VANGL2: variants seen among roughly 807,000 people sequenced by gnomAD.
The protein encoded by VANGL2 is VANGL planar cell polarity protein 2.
A neutral mutation model predicts 50.2 loss-of-function variants in VANGL2; 14 were observed. That is an observed-to-expected ratio of 0.28 (90% CI 0.18 to 0.44). VANGL2 has a LOEUF of 0.44. VANGL2 is among the 20% of genes least tolerant of loss of function. The probability of loss-of-function intolerance (pLI) is 1.00; values close to 1 mark genes in which losing one functional copy is unlikely to be tolerated. For synonymous variants in VANGL2, 295 were observed against 297.2 expected (o/e 0.99, Z 0.08); for missense variants, 533 against 701.5 (o/e 0.76, Z 2.71).
rs368698698 is a variant in VANGL2, at chr1:160,404,900, G to A, written c.-191+4031G>A. ...GGCACACAGGGTATTTGGTAGTCCT[G>A]TACCTTGCAGTATGAAGTGGGGATT... is the stretch of plus-strand genomic sequence containing the variant. On this transcript the variant is annotated intron_variant, in intron 1 of 7. Coordinates refer to ENST00000368061, the MANE Select transcript of VANGL2 (RefSeq NM_020335.3). Among the ~76,000 whole-genome samples, 49 of 152,304 alleles carry A rather than the reference G, an allele frequency of 3.2e-4. No homozygotes were observed. The South Asian group carries it at 9.6e-3, about 30-fold the overall frequency.
chr1:160,424,975 G>A (rs1046766023), intron 7 of VANGL2, 143 bp from the exon 8 acceptor site: 4 of 1,180,936 alleles, frequency 3.4e-6, no homozygotes, highest in Middle Eastern at 2.1e-4. Context: ...GCCCCTTCCT[G>A]CTGTAACATT....
chr1:160,415,732 G>A lies in VANGL2; in HGVS notation c.-106G>A. 1 of 1,300,098 alleles carries A rather than the reference G, an allele frequency of 7.7e-7. No individual in the cohort carries two copies. The allele number at this position is 1,300,098 out of a possible 1,614,324, so 80.5% of individuals were successfully genotyped here. A position where few individuals can be genotyped will look rare whatever the true frequency, so the allele number is the denominator to read the frequency against. On this transcript the variant is annotated 5_prime_UTR_variant, in exon 2 of 8. Transcript: ENST00000368061. ...GGGTGACAGTTGACTTCCTGAAGGT[G>A]CCTCTTGGCCTAAAGAAGCCGGTGC...
intron 1 of VANGL2, among the ~76,000 whole-genome samples, chr1:160,414,855 G>A (rs902120920): frequency 6.6e-6 from 1 of 151,318 alleles, no homozygotes; most frequent in Non-Finnish European, 1.5e-5. Context: ...TTTGGGTGGG[G>A]GTTAGAGAGA....
At chr1:160,405,972 G>A (rs1650645126) in intron 1 of VANGL2, among the ~76,000 whole-genome samples, 1 of 152,180 alleles carries the variant, frequency 6.6e-6, no homozygotes, top group South Asian at 2.1e-4. Context: ...ATGGGAGCAG[G>A]AAGTGGAGGG....
chr1:160,416,043 T>C lies in VANGL2; in HGVS notation c.72-19T>C. On this transcript the variant is annotated intron_variant, in intron 2 of 7. Coordinates refer to ENST00000368061, the MANE Select transcript of VANGL2 (RefSeq NM_020335.3). ...TCCACCACTGGACTTTCTGTGCCTTTTCTGGCTTCCTGCCGCAGGGACCGC... is the reference window on the plus strand; with the variant it reads ...TCCACCACTGGACTTTCTGTGCCTTCTCTGGCTTCCTGCCGCAGGGACCGC... The C allele has an allele frequency of 6.2e-7, 1 of 1,614,176 alleles. No individual in the cohort carries two copies. The highest frequency in any genetic ancestry group is 1.3e-5 in the African/African-American group (1 of 75,046).
In VANGL2 at chr1:160,426,205, C is replaced by G. The variant is rs565584897; in HGVS notation, c.*827C>G. The G allele has an allele frequency of 6.5e-6, 1 of 152,796 alleles. No individual in the cohort carries two copies. Among genetic ancestry groups the G allele is most frequent in the East Asian group, 1.9e-4 (1 of 5,180 alleles). 9.5% of individuals were successfully genotyped at this position (152,796 alleles called of 1,614,324 possible). The stretch of plus-strand genomic sequence containing the variant: ...TTTGGAGAGACCCCCATCACTGACT[C>G]CTGCTCCCTAACCCTACCCTCACTT... On this transcript the variant is annotated 3_prime_UTR_variant, in exon 8 of 8. Transcript: ENST00000368061.
At chr1:160,402,989 TAG>T (rs1650528458) in intron 1 of VANGL2, among the ~76,000 whole-genome samples, 1 of 152,128 alleles carries the variant, frequency 6.6e-6, no homozygotes, top group Non-Finnish European at 1.5e-5. Flanking sequence ...ATTGGAATGT[TAG>T]AGTCTCTAAT....
intron 1 of VANGL2, among the ~76,000 whole-genome samples, chr1:160,413,319 C>T (rs567153230): frequency 1.0e-3 from 149 of 147,422 alleles, no homozygotes; most frequent in African/African-American, 3.5e-3. Flanking sequence ...CTCGTTCTGT[C>T]GCCCAGGCTG....
chr1:160,421,174 A>G lies in VANGL2; in HGVS notation c.1060A>G (p.Lys354Glu). The G allele has an allele frequency of 1.2e-6, 2 of 1,613,510 alleles. No homozygotes were observed. The highest frequency in any genetic ancestry group is 2.2e-5 in the East Asian group (1 of 44,874). ...GGCTGAGCATGAGCGAAGGGTGCGC[A>G]AGAGGAGGGCCAGGTGGGTCCCTGG... ...EEAEHERRVR[K>E]RRARLVVAVE... Residue 354 changes from lysine (K) to glutamate (E), a missense_variant, in exon 6 of 8, where the codon AAG (lysine) becomes GAG (glutamate). Physicochemically the swap from Lys to Glu is moderately conservative, Grantham distance 56. Transcript: ENST00000368061.
chr1:160,402,373 C>T (rs927283523), intron 1 of VANGL2, among the ~76,000 whole-genome samples: 2 of 152,168 alleles, frequency 1.3e-5, no homozygotes, highest in African/African-American at 2.4e-5. Context: ...TTTGCTGCTT[C>T]ATAGCCTTCT....
intron 1 of VANGL2, among the ~76,000 whole-genome samples, chr1:160,410,292 G>A (rs1650829677): frequency 6.6e-6 from 1 of 152,076 alleles, no homozygotes; most frequent in Non-Finnish European, 1.5e-5. Context: ...CCCTGTCCTC[G>A]GTGGAGATGA....
At chr1:160,424,599 C>T (rs184868371) in intron 7 of VANGL2, among the ~76,000 whole-genome samples, 18 of 152,348 alleles carry the variant, frequency 1.2e-4, no homozygotes, top group East Asian at 3.9e-4. Flanking sequence ...ACCCTCTTCA[C>T]CTCCACTAGC....
chr1:160,425,285 C>G lies in VANGL2; in HGVS notation c.1473C>G (p.Thr491=), dbSNP rs772020120. ...AGGACTTCAGCCTGGTGGTCAGCAC[C>G]AAGAAGGTCCCATTCTTCAAACTCT... The part of the protein sequence containing the change: ...KRQDFSLVVS[T]KKVPFFKLSE... The change falls in exon 8 of 8, where the codon ACC becomes ACG. Residue 491 remains threonine (T), a synonymous_variant. Coordinates refer to ENST00000368061, the MANE Select transcript of VANGL2 (RefSeq NM_020335.3). 6.2e-7 allele frequency: 1 copy of G among 1,614,078 alleles called. No homozygotes were observed. The highest frequency in any genetic ancestry group is 2.2e-5 in the East Asian group (1 of 44,860).
chr1:160,405,298 C>T (rs1209710699), intron 1 of VANGL2, among the ~76,000 whole-genome samples: 1 of 152,152 alleles, frequency 6.6e-6, no homozygotes, highest in Non-Finnish European at 1.5e-5. Flanking sequence ...TACTCACATT[C>T]TACCCTACGG....
intron 1 of VANGL2, among the ~76,000 whole-genome samples, chr1:160,403,253 C>T (rs1001785594): frequency 3.3e-5 from 5 of 151,960 alleles, no homozygotes; most frequent in Admixed American, 6.5e-5. Context: ...TGCCCTGGCC[C>T]TCTGGGGTCC....
rs1211948369 is a variant in VANGL2 at position 160,415,866 on chromosome 1, A to C, written c.29A>C (p.Tyr10Ser). The C allele has an allele frequency of 6.2e-7, 1 of 1,613,950 alleles. No homozygotes were observed. The highest frequency in any genetic ancestry group is 8.5e-7 in the Non-Finnish European group (1 of 1,180,010). Residue 10 changes from tyrosine to serine, a missense_variant, in exon 2 of 8, where the codon TAT (tyrosine) becomes TCT (serine). By Grantham distance (144) the Tyr-to-Ser change is moderately radical (BLOSUM62 -2). Coordinates refer to ENST00000368061, the MANE Select transcript of VANGL2 (RefSeq NM_020335.3). MDTESQYSGYSYKSGHSRSS... is the reference protein window; with the variant it reads MDTESQYSGSSYKSGHSRSS... ...GACACCGAGTCCCAGTACTCGGGCT[A>C]TTCCTACAAGTCGGGCCACTCCCGC...
At chr1:160,403,193 TGATA>T (rs1463773549) in intron 1 of VANGL2, among the ~76,000 whole-genome samples, 3 of 151,734 alleles carry the variant, frequency 2.0e-5, no homozygotes, top group Non-Finnish European at 4.4e-5. Flanking sequence ...AACACCTGTC[TGATA>T]GTTAGGGCTC....
chr1:160,411,495 T>C lies in VANGL2; in HGVS notation c.-190-4153T>C, dbSNP rs543423638. Among the ~76,000 whole-genome samples the C allele has an allele frequency of 2.6e-5, 4 of 152,138 alleles. No individual in the cohort carries two copies. The East Asian group carries it at 5.8e-4, about 22-fold the overall frequency. ...TAAGGGGAACTTCTGCCCTTCTCTT[T>C]ACTCCCCTCTCCTCCCTCCTCCCAG... On this transcript the variant is annotated intron_variant, in intron 1 of 7. Coordinates refer to ENST00000368061, the MANE Select transcript of VANGL2 (RefSeq NM_020335.3).
intron 1 of VANGL2, among the ~76,000 whole-genome samples, chr1:160,411,645 G>A (rs1486078211): frequency 6.6e-6 from 1 of 152,112 alleles, no homozygotes; most frequent in Non-Finnish European, 1.5e-5. Flanking sequence ...GCGTGTTTTG[G>A]TGCTTTTTGG....
Sources: allele counts gnomAD v4.1 joint callset (sites outside exome capture counted in the v4.1 genomes callset), GRCh38; gene constraint gnomAD v4.1.1; transcripts MANE v1.5; gene names NCBI Gene and HGNC (gene_info 2026-07-23, HGNC 2026-07-21).